The following NDRG3 variants were observed in gnomAD, a reference collection of about 807,000 sequenced individuals.
NDRG3 encodes the protein NDRG family member 3.
A neutral mutation model predicts 57.2 loss-of-function variants in NDRG3; 23 were observed. The observed-to-expected ratio is 0.40, with a 90% CI of 0.29 to 0.57. NDRG3 has a LOEUF of 0.57. Ranked by LOEUF, NDRG3 falls within the 20% of genes least tolerant of loss-of-function variation. The pLI is 0.42. For synonymous variants in NDRG3, 132 were observed against 162.6 expected (o/e 0.81, Z 1.43); for missense variants, 384 against 457.3 (o/e 0.84, Z 1.46).
At chr20:36,683,011 G>A (rs1981449038) in intron 6 of NDRG3, among the ~76,000 whole-genome samples, 1 of 152,098 alleles carries the variant, frequency 6.6e-6, no homozygotes. Flanking sequence ...GGGAGGCCGA[G>A]GCGAGCGGAT....
At chr20:36,739,909 C>CAAAA (rs774462877) in intron 1 of NDRG3, among the ~76,000 whole-genome samples, 1 of 41,582 alleles carries the variant, frequency 2.4e-5, no homozygotes, top group Non-Finnish European at 5.2e-5. Flanking sequence ...GACTCCGTCT[C>CAAAA]AAAAAAAAAA....
intron 3 of NDRG3, among the ~76,000 whole-genome samples, chr20:36,694,278 TA>T (rs1982585887): frequency 6.6e-6 from 1 of 152,210 alleles, no homozygotes; most frequent in Non-Finnish European, 1.5e-5. Flanking sequence ...TCTGACTTTT[TA>T]CACTCTCATT....
chr20:36,665,149 A>T, intron 11 of NDRG3, 52 bp from the exon 12 acceptor site: 1 of 1,609,474 alleles, frequency 6.2e-7, no homozygotes. Context: ...CATAAATTCC[A>T]CTGAACACCA....
intron 1 of NDRG3, among the ~76,000 whole-genome samples, chr20:36,744,973 G>C (rs1002643191): frequency 2.0e-5 from 3 of 151,552 alleles, no homozygotes; most frequent in Admixed American, 6.6e-5. Context: ...GGTAAGGGGG[G>C]GGGGGGGCGC....
intron 1 of NDRG3, among the ~76,000 whole-genome samples, chr20:36,728,273 C>T (rs558345988): frequency 1.2e-4 from 19 of 152,072 alleles, no homozygotes; most frequent in Non-Finnish European, 2.5e-4. Context: ...AGGATGGTCT[C>T]GATCTCCTGA....
chr20:36,739,134 CAAAAA>C (rs57208101), intron 1 of NDRG3, among the ~76,000 whole-genome samples: 16 of 87,316 alleles, frequency 1.8e-4, no homozygotes, highest in African/African-American at 8.4e-4. Flanking sequence ...GACCCCATCT[CAAAAA>C]AAAAAAAAAA....
At chr20:36,684,803 C>G (rs1053479924) in intron 5 of NDRG3, among the ~76,000 whole-genome samples, 1 of 150,948 alleles carries the variant, frequency 6.6e-6, no homozygotes, top group Admixed American at 6.6e-5. Context: ...GAGCGGAGAT[C>G]ATGCCATTGC....
At chr20:36,728,058 AT>A (rs778353312) in intron 1 of NDRG3, among the ~76,000 whole-genome samples, 230 of 142,778 alleles carry the variant, frequency 1.6e-3, no homozygotes, top group Middle Eastern at 3.7e-3. Context: ...TAGGGAAAGG[AT>A]TTTTTTTTTT....
At chr20:36,692,475 C>T (rs1008214916) in intron 3 of NDRG3, among the ~76,000 whole-genome samples, 12 of 152,242 alleles carry the variant, frequency 7.9e-5, no homozygotes, top group Admixed American at 3.3e-4. Flanking sequence ...CCACCTGCCT[C>T]GGCCTCCCAA....
chr20:36,673,829 G>A (rs978798075), intron 8 of NDRG3, among the ~76,000 whole-genome samples: 6 of 152,104 alleles, frequency 3.9e-5, no homozygotes, highest in Admixed American at 6.6e-5. Flanking sequence ...ATTTGGCCGG[G>A]CGCAGTAGCT....
chr20:36,742,481 C>T (rs1985969420), intron 1 of NDRG3, among the ~76,000 whole-genome samples: 1 of 152,134 alleles, frequency 6.6e-6, no homozygotes, highest in Non-Finnish European at 1.5e-5. Context: ...AAATAGCACA[C>T]AAAAACTTAG....
At chr20:36,715,004 G>GTATA (rs1163522116) in intron 2 of NDRG3, among the ~76,000 whole-genome samples, 42 of 32,466 alleles carry the variant, frequency 1.3e-3, no homozygotes, top group Non-Finnish European at 1.6e-3. Flanking sequence ...GTGTGTGTGT[G>GTATA]TGTATATATA....
intron 8 of NDRG3, among the ~76,000 whole-genome samples, chr20:36,674,286 G>C (rs1980451492): frequency 6.6e-6 from 1 of 150,660 alleles, no homozygotes; most frequent in Admixed American, 6.6e-5. Context: ...TGCAAACTTT[G>C]CCTCCCGGGT....
chr20:36,686,023 A>G (rs1981759516), intron 5 of NDRG3, among the ~76,000 whole-genome samples: 1 of 152,194 alleles, frequency 6.6e-6, no homozygotes, highest in African/African-American at 2.4e-5. Context: ...AAAGAAAGAA[A>G]AAGTATTACA....
At chr20:36,694,268 T>C (rs2148137830) in intron 3 of NDRG3, among the ~76,000 whole-genome samples, 1 of 152,326 alleles carries the variant, frequency 6.6e-6, no homozygotes, top group Admixed American at 6.5e-5. Flanking sequence ...TGGTAATTTG[T>C]CTGACTTTTT....
chr20:36,688,724 CT>C lies in NDRG3; in HGVS notation c.153del (p.Gly52GlufsTer7). 1 of 1,613,986 alleles carries C rather than the reference CT, an allele frequency of 6.2e-7. No homozygotes were observed. Among genetic ancestry groups the C allele is most frequent in the Non-Finnish European group, 8.5e-7 (1 of 1,179,894 alleles). ...VVHVTIRGLP[K>X]GNRPVILTYH... ...TATGTTAGTATAACTGGTCTGTTTC[CT>C]TTGGGTAAGCCTCTTATAGTGACGT... On this transcript the variant is annotated frameshift_variant, in exon 4 of 16. Transcript: ENST00000349004. LOFTEE classifies it high-confidence loss of function.
At chr20:36,737,112 T>C (rs535368181) in intron 1 of NDRG3, among the ~76,000 whole-genome samples, 2 of 152,254 alleles carry the variant, frequency 1.3e-5, no homozygotes, top group Admixed American at 1.3e-4. Context: ...TCTTATATAT[T>C]AATTCTATCC....
At chr20:36,681,757 A>T (rs1280079748) in intron 7 of NDRG3, among the ~76,000 whole-genome samples, 1 of 150,500 alleles carries the variant, frequency 6.6e-6, no homozygotes, top group African/African-American at 2.4e-5. Context: ...TGGTGCAGTG[A>T]TGCTATCTCG....
At chr20:36,660,902 G>A (rs1345812741) in intron 12 of NDRG3, among the ~76,000 whole-genome samples, 1 of 152,152 alleles carries the variant, frequency 6.6e-6, no homozygotes, top group Non-Finnish European at 1.5e-5. Context: ...TTTCTGAGCA[G>A]ATCTAAAAAT....
Sources: gnomAD v4.1 joint callset for allele counts (sites outside exome capture counted in the v4.1 genomes callset) on GRCh38, gnomAD v4.1.1 for gene constraint, MANE v1.5 for transcripts, NCBI Gene and HGNC (gene_info 2026-07-23, HGNC 2026-07-21) for gene names.